The following JPT1 variants were observed in gnomAD, a reference collection of about 807,000 sequenced individuals.
JPT1 encodes the protein androgen-regulated protein 2.
A neutral mutation model predicts 17.0 loss-of-function variants in JPT1; 5 were observed. The observed-to-expected ratio is 0.29, with a 90% CI of 0.15 to 0.62. The LOEUF (loss-of-function observed/expected upper bound fraction) is 0.62. JPT1 is among the 20% of genes least tolerant of loss of function. The probability of loss-of-function intolerance (pLI) is 0.85; values close to 1 mark genes in which losing one functional copy is unlikely to be tolerated. For synonymous variants in JPT1, 71 were observed against 73.6 expected, an observed-to-expected ratio of 0.96 and a Z score of 0.18; for missense variants, 158 against 188.1, an observed-to-expected ratio of 0.84 and a Z score of 0.94.
chr17:75,137,440 TCAAAC>T (rs201411617), intron 4 of JPT1, among the ~76,000 whole-genome samples: 3,757 of 151,878 alleles, frequency 0.025, 64 homozygotes, highest in Non-Finnish European at 0.039. Flanking sequence ...CACTGTAGCC[TCAAAC>T]TCCTGGGCTC....
At chr17:75,144,638 C>G (rs2074389290) in intron 4 of JPT1, among the ~76,000 whole-genome samples, 1 of 152,154 alleles carries the variant, frequency 6.6e-6, no homozygotes, top group Non-Finnish European at 1.5e-5. Flanking sequence ...ACAGGAACCC[C>G]AATTTGAAGC....
rs995570325 is a variant in JPT1, at chr17:75,154,129, G to T, written c.56+213C>A. 2.3e-5 allele frequency: 6 copies of T among 264,382 alleles called. No homozygotes were observed. In the East Asian group the frequency reaches 3.1e-4, roughly 14 times the overall value. 16.4% of individuals were successfully genotyped at this position (264,382 alleles called of 1,614,324 possible). On this transcript the variant is annotated intron_variant, in intron 1 of 4. Coordinates refer to ENST00000409753, the MANE Select transcript of JPT1 (RefSeq NM_016185.4). ...CAGCCCCTGACTCCGTGGAAGGAAT[G>T]AATGGAGAGCAGCAGGGACCCGGGT...
At chr17:75,140,673 T>C (rs538692970) in intron 4 of JPT1, among the ~76,000 whole-genome samples, 1 of 152,240 alleles carries the variant, frequency 6.6e-6, no homozygotes, top group Non-Finnish European at 1.5e-5. Context: ...ATCTTATTAC[T>C]GTACCTCAGC....
At chr17:75,136,281 A>G (rs751222001) in intron 4 of JPT1, 31 bp from the exon 5 acceptor site, 33 of 1,520,826 alleles carry the variant, frequency 2.2e-5, no homozygotes, top group Non-Finnish European at 2.8e-5. Flanking sequence ...AATAATACTC[A>G]TAATGACAGC....
At chr17:75,151,757 G>C (rs1426376154) in intron 1 of JPT1, among the ~76,000 whole-genome samples, 1 of 152,124 alleles carries the variant, frequency 6.6e-6, no homozygotes, top group Non-Finnish European at 1.5e-5. Flanking sequence ...ATCACCTGAG[G>C]TCAGGAGTTC....
chr17:75,143,002 CAG>C (rs1161732487), intron 4 of JPT1, among the ~76,000 whole-genome samples: 4 of 152,110 alleles, frequency 2.6e-5, no homozygotes, highest in Non-Finnish European at 5.9e-5. Context: ...CCTCAGGAAA[CAG>C]AATCTCTTTG....
rs1024654251 is a variant in JPT1 at position 75,136,002 on chromosome 17, T to A, written c.*100A>T. On this transcript the variant is annotated 3_prime_UTR_variant, in exon 5 of 5. Transcript: ENST00000409753. Reference sequence around the variant, plus strand: ...ACAGCAGTACATAAAGTGCTTCTTTTTAATGAAACAAATCCAAGAGATGTA... The same window carrying A: ...ACAGCAGTACATAAAGTGCTTCTTTATAATGAAACAAATCCAAGAGATGTA... 2 of 1,607,578 alleles carry A rather than the reference T, an allele frequency of 1.2e-6. No homozygotes were observed. The highest frequency in any genetic ancestry group is 2.7e-5 in the African/African-American group (2 of 74,566).
At chr17:75,141,368 A>G (rs1175609222) in intron 4 of JPT1, 2 of 152,032 alleles carry the variant, frequency 1.3e-5, no homozygotes, top group Non-Finnish European at 2.9e-5. Flanking sequence ...AGAAACTTAA[A>G]AAGGCCGGGC....
At chr17:75,139,581 G>A (rs2074270138) in intron 4 of JPT1, among the ~76,000 whole-genome samples, 1 of 152,068 alleles carries the variant, frequency 6.6e-6, no homozygotes, top group Admixed American at 6.6e-5. Context: ...AGCACTTTGG[G>A]AGGCCAAGGC....
chr17:75,140,379 A>C (rs2074285518), intron 4 of JPT1, among the ~76,000 whole-genome samples: 1 of 152,196 alleles, frequency 6.6e-6, no homozygotes, highest in African/African-American at 2.4e-5. Context: ...AACTGAACAA[A>C]GACATCTCTA....
At chr17:75,149,810 A>C (rs1439930456) in intron 1 of JPT1, among the ~76,000 whole-genome samples, 2 of 152,074 alleles carry the variant, frequency 1.3e-5, no homozygotes, top group African/African-American at 2.4e-5. Flanking sequence ...CAGGAGTTCA[A>C]GGCCAGCCTA....
chr17:75,150,868 T>TGTTTTG (rs2074538694), intron 1 of JPT1, among the ~76,000 whole-genome samples: 1 of 140,232 alleles, frequency 7.1e-6, no homozygotes, highest in African/African-American at 2.9e-5. Flanking sequence ...TTTTTTTTTT[T>TGTTTTG]TTTGAGACAG....
chr17:75,140,888 G>A (rs1422044478), intron 4 of JPT1, among the ~76,000 whole-genome samples: 1 of 152,124 alleles, frequency 6.6e-6, no homozygotes, highest in Non-Finnish European at 1.5e-5. Flanking sequence ...TAAGGAGTTC[G>A]AGACCGGCCT....
At chr17:75,146,711 T>A (rs1307345438) in intron 3 of JPT1, 27 bp from the exon 4 acceptor site, 3 of 1,429,048 alleles carry the variant, frequency 2.1e-6, no homozygotes, top group Non-Finnish European at 1.9e-6. Context: ...TTCAAAAATT[T>A]ACTTCCTATT....
At chr17:75,143,847 AAAG>A (rs1472582295) in intron 4 of JPT1, among the ~76,000 whole-genome samples, 2 of 152,018 alleles carry the variant, frequency 1.3e-5, no homozygotes, top group African/African-American at 4.8e-5. Flanking sequence ...CAGAAAAAAA[AAAG>A]AGCGAATCTC....
chr17:75,148,711 A>G (rs1238580449), intron 1 of JPT1, 40 bp from the exon 2 acceptor site: 5 of 1,607,430 alleles, frequency 3.1e-6, no homozygotes, highest in Non-Finnish European at 4.3e-6. Flanking sequence ...GATCATACTG[A>G]AACATTTCTT....
chr17:75,142,906 T>TC (rs912321053), intron 4 of JPT1: 5 of 393,880 alleles, frequency 1.3e-5, no homozygotes, highest in Middle Eastern at 7.8e-4. Flanking sequence ...ACACACAAAA[T>TC]CTGTTTTTGT....
At chr17:75,142,770 A>T (rs768932488) in intron 4 of JPT1, 246 of 456,364 alleles carry the variant, frequency 5.4e-4, no homozygotes, top group Admixed American at 3.0e-3. Context: ...TTACCTCCAG[A>T]AGTCTTTCCA....
intron 4 of JPT1, among the ~76,000 whole-genome samples, chr17:75,141,703 A>G (rs566460367): frequency 8.6e-5 from 13 of 151,724 alleles, no homozygotes; most frequent in East Asian, 1.9e-4. Flanking sequence ...ACTGGGGGGA[A>G]AAAGAAAGGA....
Sources: allele counts gnomAD v4.1 joint callset (sites outside exome capture counted in the v4.1 genomes callset), GRCh38; gene constraint gnomAD v4.1.1; transcripts MANE v1.5; gene names NCBI Gene and HGNC (gene_info 2026-07-23, HGNC 2026-07-21).